PREP: variants seen among roughly 807,000 people sequenced by gnomAD.
The protein encoded by PREP is prolyl endopeptidase.
Under a neutral mutation model 87.6 loss-of-function variants are expected in PREP, and 29 were observed. The ratio of observed to expected loss-of-function variants is 0.33; its 90% CI spans 0.25 to 0.45. The LOEUF (loss-of-function observed/expected upper bound fraction) is 0.45. PREP is among the 20% of genes least tolerant of loss of function. The pLI is 1.00. For synonymous variants in PREP, 337 were observed against 328.6 expected (o/e 1.03, Z -0.28); for missense variants, 695 against 886.5 (o/e 0.78, Z 2.74).
At chr6:105,293,238 G>T (rs1309921879) in intron 10 of PREP, among the ~76,000 whole-genome samples, 1 of 152,184 alleles carries the variant, frequency 6.6e-6, no homozygotes, top group East Asian at 1.9e-4. Flanking sequence ...AGTGAGATGT[G>T]AGAGTCCTCC....
chr6:105,300,623 TAAAAA>T (rs138225078), intron 10 of PREP, among the ~76,000 whole-genome samples: 1 of 146,818 alleles, frequency 6.8e-6, no homozygotes, highest in African/African-American at 2.5e-5. Flanking sequence ...TGCTTTATGT[TAAAAA>T]AAAAAAACTA....
At chr6:105,279,516 G>GA (rs1319903982) in intron 14 of PREP, among the ~76,000 whole-genome samples, 2 of 152,174 alleles carry the variant, frequency 1.3e-5, no homozygotes, top group East Asian at 1.9e-4. Context: ...TTATCTGTAG[G>GA]AAAAAATACA....
At chr6:105,351,804 G>A (rs1224272443) in intron 7 of PREP, among the ~76,000 whole-genome samples, 1 of 152,194 alleles carries the variant, frequency 6.6e-6, no homozygotes, top group African/African-American at 2.4e-5. Context: ...GACAGAGAAT[G>A]CAAACACTGA....
intron 10 of PREP, chr6:105,323,240 G>A (rs1771060967): frequency 2.6e-6 from 2 of 775,200 alleles, no homozygotes; most frequent in African/African-American, 1.8e-5. Flanking sequence ...GTGTCATGCA[G>A]AAATGCACAT....
chr6:105,375,718 A>C (rs1460951158), intron 4 of PREP, among the ~76,000 whole-genome samples: 3 of 152,224 alleles, frequency 2.0e-5, no homozygotes, highest in Admixed American at 1.3e-4. Flanking sequence ...AACTGATCTG[A>C]TAAACATTCT....
chr6:105,313,487 C>A (rs770069187), intron 10 of PREP, among the ~76,000 whole-genome samples: 13 of 152,178 alleles, frequency 8.5e-5, no homozygotes, highest in South Asian at 2.1e-4. Context: ...GAAAAGATTA[C>A]CCCCAACTCT....
intron 6 of PREP, among the ~76,000 whole-genome samples, chr6:105,354,886 C>T (rs1024071425): frequency 1.3e-5 from 2 of 152,104 alleles, no homozygotes; most frequent in Non-Finnish European, 2.9e-5. Context: ...TTTGCTCCTT[C>T]AATAAACACT....
Position 105,352,963 on chromosome 6 carries a change from A to C in PREP, c.823+9T>G, listed in dbSNP as rs756784152. 56 of 1,603,820 alleles carry C rather than the reference A, an allele frequency of 3.5e-5. No homozygotes were observed. The highest frequency in any genetic ancestry group is 4.8e-5 in the Non-Finnish European group (56 of 1,171,478). Reference sequence around the variant, plus strand: ...GGAATAACTATCTGTGTCTGAAAAAATAACTCACCCGCGATGCCACTGGAT... The same window carrying C: ...GGAATAACTATCTGTGTCTGAAAAACTAACTCACCCGCGATGCCACTGGAT... On this transcript the variant is annotated intron_variant, in intron 7 of 14. Transcript: ENST00000652536.
chr6:105,352,846 A>G, intron 7 of PREP, 126 bp downstream of exon 7: 1 of 837,370 alleles, frequency 1.2e-6, no homozygotes, highest in Non-Finnish European at 1.9e-6. Flanking sequence ...AAGAAAAAAA[A>G]TCAGATGAAC....
chr6:105,287,194 G>T (rs1454130226), intron 11 of PREP, among the ~76,000 whole-genome samples: 1 of 151,630 alleles, frequency 6.6e-6, no homozygotes, highest in East Asian at 1.9e-4. Context: ...TTAACACATA[G>T]ATACCAATGT....
intron 8 of PREP, 71 bp from the exon 9 acceptor site, chr6:105,329,097 C>A: frequency 7.2e-7 from 1 of 1,396,352 alleles, no homozygotes; most frequent in Admixed American, 1.9e-5. Context: ...AATTGAGCAA[C>A]AGTTCCAGAG....
intron 2 of PREP, among the ~76,000 whole-genome samples, chr6:105,378,163 GA>G (rs1772740167): frequency 6.6e-6 from 1 of 152,190 alleles, no homozygotes; most frequent in East Asian, 1.9e-4. Context: ...AAAGAACATT[GA>G]AAAAACATTG....
rs1051484 is a variant in PREP, at chr6:105,278,161, C to T, written c.2116G>A (p.Val706Ile). Residue 706 changes from valine to isoleucine, a missense_variant, in exon 15 of 15, where the codon GTC becomes ATC. Physicochemically the swap from Val to Ile is conservative, Grantham distance 29. Transcript: ENST00000652536. This position sits in a 1 kb window ranked among gnomAD's most constrained non-coding sequence, Gnocchi z 4.2. ...AAAACTGTTTATGGAATCCAGTCGACGTTCAGGCACCGCGCGATGAACGCA... is the reference window on the plus strand; with the variant it reads ...AAAACTGTTTATGGAATCCAGTCGATGTTCAGGCACCGCGCGATGAACGCA... ...MFAFIARCLN[V>I]DWIP The T allele has an allele frequency of 0.19, 302,884 of 1,609,622 alleles. 38,015 individuals carry two copies. The highest frequency in any genetic ancestry group is 0.65 in the African/African-American group (48,530 of 74,888).
intron 12 of PREP, among the ~76,000 whole-genome samples, chr6:105,283,613 GACT>G (rs902061314): frequency 7.9e-5 from 12 of 152,308 alleles, no homozygotes; most frequent in Non-Finnish European, 1.2e-4. Context: ...TTGGGTATAT[GACT>G]ACATTTTAAA....
intron 2 of PREP, among the ~76,000 whole-genome samples, chr6:105,382,409 T>C (rs1364431620): frequency 1.3e-5 from 2 of 152,140 alleles, no homozygotes; most frequent in South Asian, 2.1e-4. Flanking sequence ...CACCTAAATA[T>C]ATACAATTTT....
At chr6:105,319,462 T>C (rs546039654) in intron 10 of PREP, among the ~76,000 whole-genome samples, 6 of 152,238 alleles carry the variant, frequency 3.9e-5, no homozygotes, top group Non-Finnish European at 8.8e-5. Context: ...TCTAGCTGGC[T>C]GAACAATGAT....
chr6:105,396,070 AC>A (rs1428851598), intron 2 of PREP, among the ~76,000 whole-genome samples: 1 of 152,184 alleles, frequency 6.6e-6, no homozygotes, highest in Non-Finnish European at 1.5e-5. Flanking sequence ...TACAGCCTTC[AC>A]CATTCCTAAA....
intron 6 of PREP, among the ~76,000 whole-genome samples, chr6:105,353,904 G>A (rs1324307973): frequency 6.6e-6 from 1 of 151,964 alleles, no homozygotes; most frequent in African/African-American, 2.4e-5. Flanking sequence ...TCTACTGCAA[G>A]ATCTCAGAAA....
chr6:105,379,531 CAAGTGGTATTA>C (rs1294335594), intron 2 of PREP, among the ~76,000 whole-genome samples: 3 of 152,146 alleles, frequency 2.0e-5, no homozygotes, highest in Non-Finnish European at 4.4e-5. Flanking sequence ...GAGATGGAGG[CAAGTGGTATTA>C]AAGTCCCCTG....
Sources: allele counts gnomAD v4.1 joint callset (sites outside exome capture counted in the v4.1 genomes callset), GRCh38; gene constraint gnomAD v4.1.1; non-coding constraint Gnocchi (gnomAD v3.1); transcripts MANE v1.5; gene names NCBI Gene and HGNC (gene_info 2026-07-23, HGNC 2026-07-21).